The following SLC2A9 variants were observed in gnomAD, a reference collection of about 807,000 sequenced individuals.
SLC2A9 encodes the protein solute carrier family 2 member 9.
SLC2A9 carries 39 observed loss-of-function variants against 50.6 expected under a neutral mutation model. That is an observed-to-expected ratio of 0.77 (90% CI 0.60 to 1.01). The LOEUF (loss-of-function observed/expected upper bound fraction) is 1.01, where lower values mean the gene tolerates loss of function less well. Ranked by LOEUF, SLC2A9 falls within the 50% of genes least tolerant of loss-of-function variation. The probability of loss-of-function intolerance (pLI) is 0.00; values close to 1 mark genes in which losing one functional copy is unlikely to be tolerated. For synonymous variants in SLC2A9, 324 were observed against 276.9 expected (o/e 1.17, Z -1.69); for missense variants, 686 against 677.6 (o/e 1.01, Z -0.14).
At chr4:9,885,678 T>C (rs1262233649) in intron 10 of SLC2A9, among the ~76,000 whole-genome samples, 3 of 152,230 alleles carry the variant, frequency 2.0e-5, no homozygotes, top group African/African-American at 7.2e-5. Context: ...GATAAGATTG[T>C]GAACCACACA....
chr4:9,826,428 A>G lies in SLC2A9; in HGVS notation c.1592T>C (p.Val531Ala). 1 of 1,614,084 alleles carries G rather than the reference A, an allele frequency of 6.2e-7. No homozygotes were observed. ...YPPEEKIDSA[V>A]TDGKINGRP The stretch of plus-strand genomic sequence containing the variant: ...CCTTCCATTTATCTTACCATCAGTG[A>G]CAGCTGAGTCGATTTTCTCTTCTGG... Residue 531 changes from valine to alanine, a missense_variant, in exon 12 of 12, where the codon GTC (valine) becomes GCC (alanine). Coordinates refer to ENST00000264784, the MANE Select transcript of SLC2A9 (RefSeq NM_020041.3).
intron 10 of SLC2A9, among the ~76,000 whole-genome samples, chr4:9,872,396 A>G (rs1387657042): frequency 6.6e-5 from 10 of 152,222 alleles, no homozygotes; most frequent in African/African-American, 2.4e-4. Flanking sequence ...AGACTGGTAA[A>G]TGCATTTTTG....
chr4:9,979,391 G>A (rs1248722215), intron 5 of SLC2A9, among the ~76,000 whole-genome samples: 1 of 152,132 alleles, frequency 6.6e-6, no homozygotes, highest in Non-Finnish European at 1.5e-5. Flanking sequence ...GTTGTGCACT[G>A]TTCGTGCCTA....
chr4:9,878,015 C>T (rs1734571875), intron 10 of SLC2A9, among the ~76,000 whole-genome samples: 1 of 152,096 alleles, frequency 6.6e-6, no homozygotes, highest in African/African-American at 2.4e-5. Context: ...TATAGAATGT[C>T]TATAGTGGTC....
intron 10 of SLC2A9, among the ~76,000 whole-genome samples, chr4:9,861,380 G>A (rs1731613066): frequency 6.6e-6 from 1 of 151,958 alleles, no homozygotes; most frequent in Admixed American, 6.5e-5. Flanking sequence ...AGGGGGGATG[G>A]TGCTAAACCA....
intron 7 of SLC2A9, among the ~76,000 whole-genome samples, chr4:9,915,054 T>G (rs1252204509): frequency 1.3e-5 from 2 of 152,202 alleles, no homozygotes; most frequent in Admixed American, 1.3e-4. Context: ...TGGCCTGGTC[T>G]TCTTTGAACT....
At chr4:9,982,713 C>T (rs959935741) in intron 4 of SLC2A9, among the ~76,000 whole-genome samples, 1 of 152,170 alleles carries the variant, frequency 6.6e-6, no homozygotes, top group East Asian at 1.9e-4. Context: ...CAGGCAGGGC[C>T]TCTGAAACCC....
chr4:9,896,723 A>G (rs1410239253), intron 8 of SLC2A9, among the ~76,000 whole-genome samples: 3 of 152,226 alleles, frequency 2.0e-5, no homozygotes, highest in African/African-American at 7.2e-5. Context: ...ATGTCTAGAT[A>G]CGTGGTCCAT....
intron 7 of SLC2A9, among the ~76,000 whole-genome samples, chr4:9,911,328 T>C (rs1335231475): frequency 6.6e-6 from 1 of 151,950 alleles, no homozygotes; most frequent in Non-Finnish European, 1.5e-5. Context: ...TCTTAATCTG[T>C]TTGTGACACG....
At chr4:9,932,795 A>T (rs1453006959) in intron 6 of SLC2A9, among the ~76,000 whole-genome samples, 1 of 152,248 alleles carries the variant, frequency 6.6e-6, no homozygotes, top group Admixed American at 6.5e-5. Context: ...CTAGCAGCCT[A>T]CAAACTGCCT....
intron 5 of SLC2A9, among the ~76,000 whole-genome samples, chr4:9,965,304 C>T (rs1445645124): frequency 6.6e-6 from 1 of 152,140 alleles, no homozygotes; most frequent in East Asian, 1.9e-4. Flanking sequence ...CTGTTTTGGG[C>T]CTTTCCCTTT....
downstream of SLC2A9, among the ~76,000 whole-genome samples, chr4:9,794,845 C>T (rs1914871): frequency 7.9e-5 from 12 of 152,108 alleles, no homozygotes; most frequent in Middle Eastern, 3.4e-3. Flanking sequence ...TTTGGACTCA[C>T]GTTTAAAGTG....
intron 8 of SLC2A9, among the ~76,000 whole-genome samples, chr4:9,892,762 C>T (rs1217705073): frequency 6.6e-6 from 1 of 152,176 alleles, no homozygotes; most frequent in East Asian, 1.9e-4. Context: ...GGGATCTGGT[C>T]CCAACTCTTA....
intron 11 of SLC2A9, among the ~76,000 whole-genome samples, chr4:9,828,913 G>C (rs1483945260): frequency 6.6e-6 from 1 of 152,132 alleles, no homozygotes; most frequent in Non-Finnish European, 1.5e-5. Context: ...ATATACAGTA[G>C]ATGCTCTGAG....
At chr4:9,814,476 C>T (rs1162398276) in intron 3 of SLC2A9, among the ~76,000 whole-genome samples, 5 of 152,184 alleles carry the variant, frequency 3.3e-5, no homozygotes, top group African/African-American at 1.2e-4. Context: ...TCTGTAGTAG[C>T]CATCTATTGC....
intron 10 of SLC2A9, among the ~76,000 whole-genome samples, chr4:9,881,378 A>G (rs1373028398): frequency 2.0e-5 from 3 of 152,158 alleles, no homozygotes; most frequent in Non-Finnish European, 4.4e-5. Context: ...CTGATGGTTT[A>G]TTTAAGGTTC....
chr4:9,887,625 G>A lies in SLC2A9; in HGVS notation c.1233C>T (p.Val411=). ...TLTLQDHAPW[V]PYLSIVGILA... is the part of the protein sequence containing the mutation. ...GAATGCCCACGATACTCAGGTAGGG[G>A]ACCCAGGGGGCGTGGTCCTGGGAGA... The change falls in exon 10 of 12, where the codon GTC becomes GTT. Residue 411 remains valine, a synonymous_variant. Coordinates refer to ENST00000264784, the MANE Select transcript of SLC2A9 (RefSeq NM_020041.3). 6.4e-7 allele frequency: 1 copy of A among 1,556,490 alleles called. No homozygotes were observed. Among genetic ancestry groups the A allele is most frequent in the Non-Finnish European group, 8.7e-7 (1 of 1,149,538 alleles).
chr4:9,919,848 G>A (rs1039703732), intron 7 of SLC2A9, among the ~76,000 whole-genome samples: 5 of 152,180 alleles, frequency 3.3e-5, no homozygotes, highest in Admixed American at 6.5e-5. Context: ...ACCTTTGAGT[G>A]CCCTCAAGGG....
At chr4:10,006,481 CT>C (rs1760795548) in intron 2 of SLC2A9, 1 of 152,246 alleles carries the variant, frequency 6.6e-6, no homozygotes, top group Admixed American at 6.5e-5. Flanking sequence ...ACTGAACACA[CT>C]GGCACAGGGA....
Sources: gnomAD v4.1 joint callset for allele counts (sites outside exome capture counted in the v4.1 genomes callset) on GRCh38, gnomAD v4.1.1 for gene constraint, MANE v1.5 for transcripts, NCBI Gene and HGNC (gene_info 2026-07-23, HGNC 2026-07-21) for gene names.